The following LIMCH1 variants were observed in gnomAD, a reference collection of about 807,000 sequenced individuals.
The protein encoded by LIMCH1 is LIM and calponin homology domains-containing protein 1.
In LIMCH1, 113 loss-of-function variants were observed where a neutral mutation model predicts 176.5. The observed-to-expected ratio is 0.64, with a 90% CI of 0.55 to 0.75. The LOEUF is 0.75. Among genes scored for constraint, LIMCH1 ranks in the 30% least tolerant of loss-of-function variants. The pLI, the probability that LIMCH1 is intolerant of heterozygous loss-of-function variation, is 0.00. For missense variants in LIMCH1, 1,674 were observed against 1,814.9 expected (o/e 0.92, Z 1.41); for synonymous variants, 619 against 645.9 (o/e 0.96, Z 0.63).
At chr4:41,512,692 A>G (rs761059041) in intron 2 of LIMCH1, among the ~76,000 whole-genome samples, 1 of 152,208 alleles carries the variant, frequency 6.6e-6, no homozygotes, top group Non-Finnish European at 1.5e-5. Context: ...AAATGTTCTG[A>G]ATAGGCAAAT....
chr4:41,667,124 CAAAATATA>C (rs2094855133), intron 21 of LIMCH1, among the ~76,000 whole-genome samples: 1 of 151,666 alleles, frequency 6.6e-6, no homozygotes, highest in Non-Finnish European at 1.5e-5. Context: ...GTATTATCTC[CAAAATATA>C]AAAAGATAAA....
At chr4:41,470,322 G>T (rs1376568512) in intron 1 of LIMCH1, among the ~76,000 whole-genome samples, 3 of 152,144 alleles carry the variant, frequency 2.0e-5, no homozygotes, top group Non-Finnish European at 4.4e-5. Context: ...CTTTGCAATG[G>T]ATGATCTCTC....
intron 1 of LIMCH1, among the ~76,000 whole-genome samples, chr4:41,386,158 A>G (rs2056465056): frequency 6.6e-6 from 1 of 152,236 alleles, no homozygotes; most frequent in Admixed American, 6.5e-5. Flanking sequence ...TCAACATGGC[A>G]TCCAGTAGTA....
At chr4:41,612,388 C>T in intron 4 of LIMCH1, 1 of 576,580 alleles carries the variant, frequency 1.7e-6, no homozygotes, top group South Asian at 2.4e-5. Flanking sequence ...CGCGAGCATC[C>T]CAGGGAATCT....
At chr4:41,419,142 TATTTTATTTTATTTTATTTTATTTC>T (rs2060205287) in intron 1 of LIMCH1, among the ~76,000 whole-genome samples, 1 of 130,936 alleles carries the variant, frequency 7.6e-6, no homozygotes, top group Non-Finnish European at 1.6e-5. Flanking sequence ...TATTTTATTT[TATTTTATTTTATTTTATTTTATTTC>T]ATTTTATTTT....
At chr4:41,401,932 G>A (rs1309130205) in intron 1 of LIMCH1, among the ~76,000 whole-genome samples, 1 of 152,130 alleles carries the variant, frequency 6.6e-6, no homozygotes, top group East Asian at 1.9e-4. Flanking sequence ...GAGATTTTGG[G>A]CTGAGACAGT....
At chr4:41,603,989 T>A in intron 3 of LIMCH1, 84 bp downstream of exon 3, 1 of 1,214,304 alleles carries the variant, frequency 8.2e-7, no homozygotes, top group Non-Finnish European at 1.2e-6. Context: ...TATGCCTTGC[T>A]GGAAAAAGTC....
intron 1 of LIMCH1, among the ~76,000 whole-genome samples, chr4:41,462,984 A>G (rs2065594413): frequency 6.6e-6 from 1 of 152,084 alleles, no homozygotes. Context: ...GTATTATGTG[A>G]AAGACCAGAG....
intron 4 of LIMCH1, among the ~76,000 whole-genome samples, chr4:41,610,927 G>A (rs920166195): frequency 3.3e-5 from 5 of 152,148 alleles, no homozygotes; most frequent in South Asian, 2.1e-4. Flanking sequence ...TCTGAAATCC[G>A]AAATGCTCCA....
At position 41,682,379 on chromosome 4, in the gene LIMCH1, G is replaced by A. The variant is rs1473797052; in HGVS notation, c.3764G>A (p.Arg1255Lys). The change falls in exon 26 of 32, where the codon AGA becomes AAA. Residue 1255 changes from arginine to lysine, a missense_variant. Around this residue, in one of 3 missense-constraint regions of LIMCH1, gnomAD observed 1,015 missense variants for 1,102.5 expected, o/e 0.92. Coordinates refer to ENST00000503057, the MANE Select transcript of LIMCH1 (RefSeq NM_001330672.2). ...GNCQDEKQDR[R>K]WKKSFQGDDS... ...TGTCAAGATGAAAAACAAGACAGAA[G>A]ATGGAAGAAATCATTCCAGGGAGAT... 3.1e-6 allele frequency: 5 copies of A among 1,612,802 alleles called. No individual in the cohort carries two copies. The highest frequency in any genetic ancestry group is 3.3e-5 in the Admixed American group (2 of 59,988).
chr4:41,461,772 C>A (rs73810247), intron 1 of LIMCH1, among the ~76,000 whole-genome samples: 30 of 152,298 alleles, frequency 2.0e-4, no homozygotes, highest in African/African-American at 6.7e-4. Flanking sequence ...AAACATGAAT[C>A]CAAGTGGCAT....
chr4:41,687,308 T>A (rs915835764), intron 28 of LIMCH1, among the ~76,000 whole-genome samples: 8 of 152,204 alleles, frequency 5.3e-5, no homozygotes, highest in African/African-American at 1.9e-4. Context: ...AGTTGTTACA[T>A]GTTTTGAACA....
At chr4:41,646,396 A>T in intron 16 of LIMCH1, 89 bp from the exon 17 acceptor site, 2 of 1,518,554 alleles carry the variant, frequency 1.3e-6, no homozygotes, top group Non-Finnish European at 1.8e-6. Flanking sequence ...TCCCTGTACT[A>T]TCTCTTCAGT....
chr4:41,514,350 C>T (rs936121281), intron 2 of LIMCH1, among the ~76,000 whole-genome samples: 4 of 151,972 alleles, frequency 2.6e-5, no homozygotes, highest in African/African-American at 4.8e-5. Context: ...TTAAATGGTT[C>T]GGTGAGGAGG....
intron 17 of LIMCH1, among the ~76,000 whole-genome samples, chr4:41,648,478 A>T (rs931941445): frequency 1.3e-5 from 2 of 152,174 alleles, no homozygotes; most frequent in African/African-American, 4.8e-5. Flanking sequence ...ATTACTCCTC[A>T]TCACTCACTA....
At chr4:41,553,530 G>A (rs563246821) in intron 1 of LIMCH1, among the ~76,000 whole-genome samples, 9 of 152,170 alleles carry the variant, frequency 5.9e-5, no homozygotes, top group South Asian at 2.1e-4. Context: ...GAGGTAGGGT[G>A]TGGTGGGGGA....
rs1240321462 is a variant in LIMCH1 at position 41,646,842 on chromosome 4, C to A, written c.2769C>A (p.Pro923=). The A allele has an allele frequency of 4.3e-6, 7 of 1,614,172 alleles. No individual in the cohort carries two copies. The highest frequency in any genetic ancestry group is 5.9e-6 in the Non-Finnish European group (7 of 1,180,030). ...VTPKAVPMLT[P]KPYSQPKNSQ... is the part of the protein sequence containing the mutation. ...CCAAAGCAGTGCCTATGCTGACACC[C>A]AAGCCTTACTCCCAGCCCAAAAATT... The change falls in exon 17 of 32, where the codon CCC becomes CCA. Residue 923 remains proline (P), a synonymous_variant. Transcript: ENST00000503057.
At chr4:41,480,988 A>T (rs1265058691) in intron 1 of LIMCH1, among the ~76,000 whole-genome samples, 1 of 151,014 alleles carries the variant, frequency 6.6e-6, no homozygotes, top group Non-Finnish European at 1.5e-5. Flanking sequence ...TGCTCCCAGG[A>T]TGCTTTTGAG....
chr4:41,488,989 C>T (rs1166662327), intron 1 of LIMCH1, among the ~76,000 whole-genome samples: 1 of 152,054 alleles, frequency 6.6e-6, no homozygotes, highest in Non-Finnish European at 1.5e-5. Flanking sequence ...CTTTCTATGT[C>T]TTTGTTGAGT....
Sources: gnomAD v4.1 joint callset for allele counts (sites outside exome capture counted in the v4.1 genomes callset) on GRCh38, gnomAD v4.1.1 for gene constraint, gnomAD v4.1.1 regional missense constraint, MANE v1.5 for transcripts, NCBI Gene and HGNC (gene_info 2026-07-23, HGNC 2026-07-21) for gene names.